Variants in CHKA observed in about 807,000 individuals in gnomAD.
The protein encoded by CHKA is choline kinase alpha.
A neutral mutation model predicts 60.1 loss-of-function variants in CHKA; 34 were observed. The ratio of observed to expected loss-of-function variants is 0.57; its 90% CI spans 0.43 to 0.75. The LOEUF (loss-of-function observed/expected upper bound fraction) is 0.75. Among genes scored for constraint, CHKA ranks in the 30% least tolerant of loss-of-function variants. The pLI, the probability that CHKA is intolerant of heterozygous loss-of-function variation, is 0.00. For synonymous variants in CHKA, 217 were observed against 223.1 expected, an observed-to-expected ratio of 0.97 and a Z score of 0.24; for missense variants, 563 against 561.3, an observed-to-expected ratio of 1.00 and a Z score of -0.03.
chr11:68,118,340 C>T (rs1197601256), intron 1 of CHKA, among the ~76,000 whole-genome samples: 1 of 152,074 alleles, frequency 6.6e-6, no homozygotes, highest in Admixed American at 6.6e-5. Flanking sequence ...ACTTGAGAGG[C>T]TGAGGTGGGA....
intron 1 of CHKA, among the ~76,000 whole-genome samples, chr11:68,116,437 G>A (rs1858384950): frequency 6.6e-6 from 1 of 152,124 alleles, no homozygotes; most frequent in African/African-American, 2.4e-5. Flanking sequence ...CAGGTAGCCA[G>A]GCGTGGTGGC....
At chr11:68,118,938 G>A (rs568318852) in intron 1 of CHKA, among the ~76,000 whole-genome samples, 1 of 152,334 alleles carries the variant, frequency 6.6e-6, no homozygotes, top group South Asian at 2.1e-4. Context: ...GCAGGCTAGA[G>A]CACTGGTGCA....
intron 1 of CHKA, among the ~76,000 whole-genome samples, chr11:68,117,307 G>C (rs939833024): frequency 5.9e-5 from 9 of 152,202 alleles, no homozygotes; most frequent in Admixed American, 2.6e-4. Context: ...GAAAATGCAG[G>C]CTCCAGTGTA....
intron 8 of CHKA, 110 bp from the exon 9 acceptor site, chr11:68,066,004 C>A: frequency 1.4e-6 from 1 of 694,644 alleles, no homozygotes; most frequent in South Asian, 1.8e-5. Context: ...CTCCTGTTGC[C>A]ATCTGGACTT....
At chr11:68,091,581 G>A (rs1489850551) in intron 2 of CHKA, among the ~76,000 whole-genome samples, 1 of 152,192 alleles carries the variant, frequency 6.6e-6, no homozygotes. Context: ...AGAAATAGGG[G>A]CTAGAAGAGA....
chr11:68,087,794 C>CT (rs1441869557), intron 2 of CHKA, among the ~76,000 whole-genome samples: 1 of 152,040 alleles, frequency 6.6e-6, no homozygotes, highest in Non-Finnish European at 1.5e-5. Context: ...TTTAAAAATG[C>CT]TTTGAGACCT....
At chr11:68,079,733 G>A (rs1304873095) in intron 3 of CHKA, among the ~76,000 whole-genome samples, 6 of 152,104 alleles carry the variant, frequency 3.9e-5, no homozygotes, top group Admixed American at 6.5e-5. Context: ...GACTGAAATC[G>A]GCCGGGCGAT....
intron 2 of CHKA, among the ~76,000 whole-genome samples, chr11:68,093,748 C>T (rs1015394559): frequency 1.3e-5 from 2 of 152,186 alleles, no homozygotes; most frequent in African/African-American, 4.8e-5. Context: ...TATGCTGCAG[C>T]TGGCTTTTAC....
intron 3 of CHKA, among the ~76,000 whole-genome samples, chr11:68,079,211 G>C (rs1357583551): frequency 3.9e-5 from 6 of 152,228 alleles, no homozygotes; most frequent in Non-Finnish European, 7.3e-5. Context: ...TGGGATTACA[G>C]ACGTTTAGTT....
intron 3 of CHKA, among the ~76,000 whole-genome samples, chr11:68,075,134 T>C (rs904625327): frequency 6.6e-6 from 1 of 152,182 alleles, no homozygotes; most frequent in African/African-American, 2.4e-5. Flanking sequence ...ATTGCTTCTA[T>C]TTATTTCGCA....
At chr11:68,064,832 T>C (rs562228651) in intron 9 of CHKA, among the ~76,000 whole-genome samples, 2 of 152,344 alleles carry the variant, frequency 1.3e-5, no homozygotes, top group African/African-American at 4.8e-5. Context: ...CCAGGATTTC[T>C]AGTGGAGATA....
chr11:68,066,473 C>G lies in CHKA; in HGVS notation c.972G>C (p.Gln324His). 6.2e-7 allele frequency: 1 copy of G among 1,614,156 alleles called. No individual in the cohort carries two copies. The highest frequency in any genetic ancestry group is 8.5e-7 in the Non-Finnish European group (1 of 1,179,988). ...ATTCGAAATCAATGAGCATCAGTTTCTGTTTTTCAGAATTCTCTCGGCCTT... is the reference window on the plus strand; with the variant it reads ...ATTCGAAATCAATGAGCATCAGTTTGTGTTTTTCAGAATTCTCTCGGCCTT... ...LLEGRENSEKQKLMLIDFEYS... is the reference protein window; with the variant it reads ...LLEGRENSEKHKLMLIDFEYS... The change falls in exon 8 of 12, where the codon CAG becomes CAC. Residue 324 changes from glutamine to histidine, a missense_variant. By Grantham distance (24) the Gln-to-His change is conservative (BLOSUM62 0). Transcript: ENST00000265689.
intron 1 of CHKA, among the ~76,000 whole-genome samples, chr11:68,105,187 TACA>T (rs938734553): frequency 1.1e-4 from 17 of 151,644 alleles, no homozygotes; most frequent in African/African-American, 4.1e-4. Context: ...GCTACAGTGA[TACA>T]ACAACTTAGT....
chr11:68,056,395 T>C (rs1856016578), intron 11 of CHKA, among the ~76,000 whole-genome samples: 2 of 151,956 alleles, frequency 1.3e-5, no homozygotes, highest in African/African-American at 4.8e-5. Flanking sequence ...CCAGAGGGGG[T>C]CCTGCACCAT....
At chr11:68,057,153 G>A (rs570806532) in intron 11 of CHKA, among the ~76,000 whole-genome samples, 6 of 152,296 alleles carry the variant, frequency 3.9e-5, no homozygotes, top group African/African-American at 9.6e-5. Context: ...CACCCCTGAC[G>A]TGGTCACTTT....
intron 1 of CHKA, among the ~76,000 whole-genome samples, chr11:68,106,308 CAGG>C (rs971884518): frequency 3.9e-5 from 6 of 152,158 alleles, no homozygotes; most frequent in Non-Finnish European, 8.8e-5. Context: ...CTCAACACTT[CAGG>C]AGGTCAAGGT....
intron 1 of CHKA, among the ~76,000 whole-genome samples, chr11:68,119,615 G>A (rs535367320): frequency 6.6e-6 from 1 of 152,228 alleles, no homozygotes; most frequent in South Asian, 2.1e-4. Flanking sequence ...GACTACAGGT[G>A]TGCGCCACCA....
chr11:68,085,802 C>T (rs999650260), intron 2 of CHKA, among the ~76,000 whole-genome samples: 6 of 152,130 alleles, frequency 3.9e-5, no homozygotes, highest in Admixed American at 1.3e-4. Context: ...CTCACTCTGT[C>T]ACCCAGGCTA....
At chr11:68,064,735 C>G (rs910499640) in intron 9 of CHKA, 104 bp from the exon 10 acceptor site, 4 of 678,748 alleles carry the variant, frequency 5.9e-6, no homozygotes, top group Non-Finnish European at 7.6e-6. Flanking sequence ...GGGAGACACA[C>G]ACTCAACATG....
Sources: allele counts gnomAD v4.1 joint callset (sites outside exome capture counted in the v4.1 genomes callset), GRCh38; gene constraint gnomAD v4.1.1; transcripts MANE v1.5; gene names NCBI Gene and HGNC (gene_info 2026-07-23, HGNC 2026-07-21).